The following TRMO variants were observed in gnomAD, a reference collection of about 807,000 sequenced individuals.
TRMO encodes the protein tRNA (adenine(37)-N6)-methyltransferase.
TRMO carries 30 observed loss-of-function variants against 37.2 expected under a neutral mutation model. The ratio of observed to expected loss-of-function variants is 0.81; its 90% confidence interval spans 0.60 to 1.09. The LOEUF (loss-of-function observed/expected upper bound fraction) is 1.09, where lower values mean the gene tolerates loss of function less well. TRMO is among the 50% of genes least tolerant of loss of function. The pLI is 0.00. For synonymous variants in TRMO, 239 were observed against 199.4 expected (o/e 1.20, Z -1.67); for missense variants, 552 against 549.5 (o/e 1.00, Z -0.05).
At chr9:97,900,922 G>A (rs1831154417), downstream of TRMO, 1 of 153,248 alleles carries the variant, frequency 6.5e-6, no homozygotes, top group Non-Finnish European at 1.4e-5. Context: ...TCACCTGGTT[G>A]TGCACAGATC....
At chr9:97,920,540 A>T (rs768348387) in intron 1 of TRMO, among the ~76,000 whole-genome samples, 1 of 152,254 alleles carries the variant, frequency 6.6e-6, no homozygotes, top group Non-Finnish European at 1.5e-5. Context: ...ATAGGAAAGC[A>T]TCCAATAAAA....
chr9:97,922,465 C>A lies in TRMO; in HGVS notation c.29G>T (p.Arg10Leu). 1 of 1,587,110 alleles carries A rather than the reference C, an allele frequency of 6.3e-7. No homozygotes were observed. MRGLEESGP[R>L]PTATPCGCVK... Reference sequence around the variant, plus strand: ...GCAGCCGCACGGGGTCGCTGTAGGCCGAGGCCCCGACTCCTCCAAGCCGCG... The same window carrying A: ...GCAGCCGCACGGGGTCGCTGTAGGCAGAGGCCCCGACTCCTCCAAGCCGCG... Residue 10 changes from arginine (R) to leucine (L), a missense_variant, in exon 1 of 5, where the codon CGG becomes CTG. Arg to Leu is a moderately radical substitution (Grantham distance 102). Transcript: ENST00000375119.
downstream of TRMO, among the ~76,000 whole-genome samples, chr9:97,901,885 G>A (rs1296757284): frequency 6.6e-6 from 1 of 152,120 alleles, no homozygotes; most frequent in Non-Finnish European, 1.5e-5. Flanking sequence ...AACCAGAGAT[G>A]CACATTTCCT....
the TRMO span, among the ~76,000 whole-genome samples, chr9:97,897,362 T>G: frequency 6.6e-6 from 1 of 152,232 alleles, no homozygotes; most frequent in African/African-American, 2.4e-5. Context: ...AGGGCCAGAT[T>G]GTGAGTATGT....
At chr9:97,912,046 GA>G (rs2131527811) in intron 3 of TRMO, 2 of 152,330 alleles carry the variant, frequency 1.3e-5, no homozygotes, top group South Asian at 4.1e-4. Flanking sequence ...TTTAGAGTCA[GA>G]TGACCACCTG....
downstream of TRMO, among the ~76,000 whole-genome samples, chr9:97,901,367 A>C (rs1831166367): frequency 6.6e-6 from 1 of 152,238 alleles, no homozygotes; most frequent in Admixed American, 6.5e-5. Context: ...AAGGACCAAG[A>C]ATCAAGCAAC....
At chr9:97,915,289 G>A (rs1252040035) in intron 2 of TRMO, among the ~76,000 whole-genome samples, 1 of 152,122 alleles carries the variant, frequency 6.6e-6, no homozygotes, top group Non-Finnish European at 1.5e-5. Flanking sequence ...AATTCTACAT[G>A]AGTCTAGAGC....
chr9:97,910,761 C>A, intron 3 of TRMO, 145 bp from the exon 4 acceptor site: 1 of 903,002 alleles, frequency 1.1e-6, no homozygotes, highest in Non-Finnish European at 1.7e-6. Flanking sequence ...CAACACACAC[C>A]CTTCTTGCTA....
intron 1 of TRMO, among the ~76,000 whole-genome samples, chr9:97,919,232 T>C (rs1826509569): frequency 6.6e-6 from 1 of 152,042 alleles, no homozygotes; most frequent in Non-Finnish European, 1.5e-5. Context: ...GTCTGGAAGA[T>C]AAATGGCCAA....
intron 4 of TRMO, among the ~76,000 whole-genome samples, chr9:97,905,291 GAT>G (rs1825812220): frequency 6.6e-6 from 1 of 152,128 alleles, no homozygotes; most frequent in Non-Finnish European, 1.5e-5. Flanking sequence ...TCACTTTTCT[GAT>G]ATCCAAAATG....
chr9:97,922,468 G>A lies in TRMO; in HGVS notation c.26C>T (p.Pro9Leu), dbSNP rs775767150. ...GCCGCACGGGGTCGCTGTAGGCCGA[G>A]GCCCCGACTCCTCCAAGCCGCGCAT... is the stretch of plus-strand genomic sequence containing the variant. MRGLEESG[P>L]RPTATPCGCV... Residue 9 changes from proline to leucine, a missense_variant, in exon 1 of 5, where the codon CCT (proline) becomes CTT (leucine). Pro to Leu is a moderately conservative substitution (Grantham distance 98, BLOSUM62 -3). Coordinates refer to ENST00000375119, the MANE Select transcript of TRMO (RefSeq NM_016481.5). 2.5e-6 allele frequency: 4 copies of A among 1,586,810 alleles called. No individual in the cohort carries two copies. Among genetic ancestry groups the A allele is most frequent in the Non-Finnish European group, 3.4e-6 (4 of 1,167,844 alleles).
In TRMO at chr9:97,914,335, T is replaced by A. The variant is rs1450895672; in HGVS notation, c.252-777A>T. Among the ~76,000 whole-genome samples, 4 of 152,250 alleles carry A rather than the reference T, an allele frequency of 2.6e-5. No individual in the cohort carries two copies. The South Asian group carries it at 6.2e-4, about 24-fold the overall frequency. On this transcript the variant is annotated intron_variant, in intron 2 of 4. Coordinates refer to ENST00000375119, the MANE Select transcript of TRMO (RefSeq NM_016481.5). ...AAATTTCTAAATTTAGAAATTAAAC[T>A]AAAAATCCAAAATACTCTTTTTCCC...
chr9:97,914,884 T>C (rs3780420), intron 2 of TRMO, among the ~76,000 whole-genome samples: 44,783 of 151,986 alleles, frequency 0.29, 7,575 homozygotes, highest in Non-Finnish European at 0.37. Context: ...TGATGAGTGG[T>C]TGGGGTTAGG....
downstream of TRMO, among the ~76,000 whole-genome samples, chr9:97,902,706 T>C (rs944047018): frequency 1.1e-4 from 16 of 152,230 alleles, no homozygotes; most frequent in African/African-American, 2.9e-4. Flanking sequence ...CCCAGAGTCA[T>C]TGTTAACATA....
At position 97,904,754 on chromosome 9, in the gene TRMO, G is replaced by C; in HGVS notation, c.1305C>G (p.Ser435=). 1 of 1,614,020 alleles carries C rather than the reference G, an allele frequency of 6.2e-7. No individual in the cohort carries two copies. Among genetic ancestry groups the C allele is most frequent in the Non-Finnish European group, 8.5e-7 (1 of 1,180,014 alleles). ...EPVHMTGPVG[S]LVSLGS is the part of the protein sequence containing the mutation. ...CTCCTTAAGACCCTAGAGACACCAA[G>C]GACCCCACAGGGCCAGTCATATGAA... The change falls in exon 5 of 5, where the codon TCC becomes TCG. Residue 435 remains serine, a synonymous_variant. Transcript: ENST00000375119.
chr9:97,916,905 G>A (rs925950212), intron 1 of TRMO, among the ~76,000 whole-genome samples: 1 of 150,784 alleles, frequency 6.6e-6, no homozygotes, highest in African/African-American at 2.4e-5. Context: ...GTAGAGATGG[G>A]GTTTCACCAT....
At chr9:97,902,555 G>A (rs544290641), downstream of TRMO, among the ~76,000 whole-genome samples, 20 of 152,268 alleles carry the variant, frequency 1.3e-4, no homozygotes, top group African/African-American at 4.6e-4. Flanking sequence ...ACCCGCCTCC[G>A]CCTCCCAGAG....
intron 3 of TRMO, 76 bp downstream of exon 3, chr9:97,913,325 C>A: frequency 6.4e-7 from 1 of 1,551,762 alleles, no homozygotes; most frequent in Non-Finnish European, 8.8e-7. Context: ...AATAAACAGC[C>A]AGTGGTGAAT....
At chr9:97,911,224 C>T (rs1156492216) in intron 3 of TRMO, 1 of 197,694 alleles carries the variant, frequency 5.1e-6, no homozygotes, top group Non-Finnish European at 1.1e-5. Flanking sequence ...TATGATGTCC[C>T]TCCAGTGACT....
Sources: gnomAD v4.1 joint callset for allele counts (sites outside exome capture counted in the v4.1 genomes callset) on GRCh38, gnomAD v4.1.1 for gene constraint, MANE v1.5 for transcripts, NCBI Gene and HGNC (gene_info 2026-07-23, HGNC 2026-07-21) for gene names.